Variants in PHKA2 observed in about 807,000 individuals in gnomAD.
PHKA2 encodes phosphorylase b kinase regulatory subunit alpha, liver isoform.
In PHKA2, 31 loss-of-function variants were observed where a neutral mutation model predicts 102.0. The ratio of observed to expected loss-of-function variants is 0.30; its 90% CI spans 0.23 to 0.41. PHKA2 has a LOEUF of 0.41. PHKA2 is among the 10% of genes least tolerant of loss of function. PHKA2 has a pLI of 1.00. For missense variants in PHKA2, 858 were observed against 1,023.1 expected (o/e 0.84, Z 2.20); for synonymous variants, 455 against 416.2 (o/e 1.09, Z -1.13).
chrX:18,938,739 C>G lies in PHKA2; in HGVS notation c.929G>C (p.Arg310Pro). 8.3e-7 allele frequency: 1 copy of G among 1,204,567 alleles called. No homozygotes were observed. Among genetic ancestry groups the G allele is most frequent in the Non-Finnish European group, 1.1e-6 (1 of 888,936 alleles). Reference protein sequence around the residue: ...GYKTPREDPNRLHYDPAELKL... With the variant: ...GYKTPREDPNPLHYDPAELKL... Reference sequence around the variant, plus strand: ...GAGTTCAGCAGGGTCATAATGCAGTCGATTAGGGTCCTAGAATCAAATAAG... The same window carrying G: ...GAGTTCAGCAGGGTCATAATGCAGTGGATTAGGGTCCTAGAATCAAATAAG... Residue 310 changes from arginine (R) to proline (P), a missense_variant, in exon 10 of 33, where the codon CGA becomes CCA. Transcript: ENST00000379942.
intron 26 of PHKA2, among the ~76,000 whole-genome samples, chrX:18,904,250 A>C (rs2047760535): frequency 8.9e-6 from 1 of 112,045 alleles, no homozygotes; most frequent in African/African-American, 3.2e-5. Flanking sequence ...TGGAAGCTAC[A>C]AGAGGGGCTG....
chrX:18,935,609 T>G (rs766632808), intron 11 of PHKA2, among the ~76,000 whole-genome samples: 1 of 94,685 alleles, frequency 1.1e-5, no homozygotes, highest in East Asian at 3.0e-4. Flanking sequence ...TACCTAAGGC[T>G]TTTTTTTTTT....
intron 1 of PHKA2, among the ~76,000 whole-genome samples, chrX:18,964,502 T>C (rs1318086834): frequency 8.9e-6 from 1 of 112,460 alleles, no homozygotes; most frequent in East Asian, 2.8e-4. Flanking sequence ...CCAGGATAAA[T>C]GTTGAAAAGA....
chrX:18,937,597 T>C lies in PHKA2; in HGVS notation c.1041+1030A>G, dbSNP rs188198313. 5.4e-5 allele frequency among the ~76,000 whole-genome samples: 6 copies of C among 111,536 alleles called. No homozygotes were observed. The East Asian group carries it at 1.7e-3, about 31-fold the overall frequency. Reference sequence around the variant, plus strand: ...GAGGGGCAATTGGGGAAGAAAAGAATGTCCTCGGCCTTTGAGAAGAGAGGA... The same window carrying C: ...GAGGGGCAATTGGGGAAGAAAAGAACGTCCTCGGCCTTTGAGAAGAGAGGA... On this transcript the variant is annotated intron_variant, in intron 10 of 32. Coordinates refer to ENST00000379942, the MANE Select transcript of PHKA2 (RefSeq NM_000292.3).
At chrX:18,899,303 G>A (rs2047633388) in intron 28 of PHKA2, 77 bp from the exon 29 acceptor site, 5 of 860,248 alleles carry the variant, frequency 5.8e-6, no homozygotes, top group Non-Finnish European at 8.6e-6. Flanking sequence ...TCATGGAGCA[G>A]CATCCGAAAC....
At chrX:18,924,268 G>C in intron 16 of PHKA2, 113 bp downstream of exon 16, 1 of 970,042 alleles carries the variant, frequency 1.0e-6, no homozygotes, top group Non-Finnish European at 1.5e-6. Flanking sequence ...AAACCAAACT[G>C]CTAAGAAGCC....
chrX:18,953,973 G>A (rs760608506), intron 2 of PHKA2, among the ~76,000 whole-genome samples: 2 of 110,686 alleles, frequency 1.8e-5, no homozygotes, highest in African/African-American at 6.6e-5. Flanking sequence ...GTGACAGAGT[G>A]AGACTCCATC....
At chrX:18,943,913 G>T in intron 6 of PHKA2, 105 bp from the exon 7 acceptor site, 1 of 584,583 alleles carries the variant, frequency 1.7e-6, no homozygotes, top group Non-Finnish European at 3.0e-6. Context: ...TTTCCCAAAG[G>T]TAATGAAACA....
intron 13 of PHKA2, among the ~76,000 whole-genome samples, chrX:18,927,857 A>C (rs2048238691): frequency 9.0e-6 from 1 of 111,303 alleles, no homozygotes; most frequent in African/African-American, 3.3e-5. Context: ...TCAAAACCCC[A>C]GCAGCCACTC....
At position 18,941,101 on chromosome X, in the gene PHKA2, G is replaced by A. The variant is rs143815061; in HGVS notation, c.864+428C>T. Among the ~76,000 whole-genome samples the A allele has an allele frequency of 3.7e-3, 415 of 112,111 alleles. 2 individuals are homozygous for A. The highest frequency in any genetic ancestry group is 5.3e-3 in the Non-Finnish European group (280 of 53,229). On this transcript the variant is annotated intron_variant, in intron 8 of 32. Transcript: ENST00000379942. ...TAATATTCTCAGTTTAGTGTATCAC[G>A]GTTACTGCATTTCACCTCAAAACAG...
intron 26 of PHKA2, among the ~76,000 whole-genome samples, chrX:18,905,159 C>A (rs1601708048): frequency 9.0e-6 from 1 of 111,482 alleles, no homozygotes; most frequent in South Asian, 3.8e-4. Context: ...CCCTGGCATT[C>A]GGGGTCCCCC....
Position 18,945,145 on chromosome X carries a change from C to T in PHKA2, c.551G>A (p.Trp184Ter). 8.4e-7 allele frequency: 1 copy of T among 1,190,014 alleles called. No homozygotes were observed. Among genetic ancestry groups the T allele is most frequent in the South Asian group, 1.8e-5 (1 of 56,483 alleles). ...AAYKVADYGM[W>*]ERGDKTNQGI... ...CTGATTAGTCTTATCTCCACGCTCC[C>T]ACATTCCATAATCCTGGGGGAGAAA... Residue 184 changes from tryptophan to a stop codon, truncating the protein, a stop_gained, in exon 6 of 33, where the codon TGG becomes TAG. Transcript: ENST00000379942. LOFTEE classifies it high-confidence loss of function.
rs1190483883 is a variant in PHKA2 at position 18,959,644 on chromosome X, C to T, written c.79-5232G>A. Among the ~76,000 whole-genome samples, 6 of 111,127 alleles carry T rather than the reference C, an allele frequency of 5.4e-5. No homozygotes were observed. In the Admixed American group the frequency reaches 5.8e-4, roughly 11 times the overall value. The stretch of plus-strand genomic sequence containing the variant: ...TTTACTTTGCTAAACTCTCTGTATA[C>T]TTTGCCTGAAAAAAATCATGACTAA... On this transcript the variant is annotated intron_variant, in intron 1 of 32. Transcript: ENST00000379942.
chrX:18,964,537 A>G (rs547519855), intron 1 of PHKA2, among the ~76,000 whole-genome samples: 1 of 112,531 alleles, frequency 8.9e-6, no homozygotes, highest in African/African-American at 3.2e-5. Context: ...ACCACTCTCC[A>G]TTGGTAAAGC....
At chrX:18,941,977 G>C (rs1328374732) in intron 7 of PHKA2, among the ~76,000 whole-genome samples, 1 of 112,313 alleles carries the variant, frequency 8.9e-6, no homozygotes. Context: ...GACATGTAGG[G>C]GAGGAACTAT....
Position 18,897,295 on chromosome X carries a change from G to T in PHKA2, c.3150C>A (p.Ser1050=). The change falls in exon 30 of 33, where the codon TCC becomes TCA. Residue 1050 remains serine, a synonymous_variant. Transcript: ENST00000379942. ...CGATGTGATGTCCTCCCGAGTCTGA[G>T]GATGACGTGCCAGTGGGCGAGGATG... The part of the protein sequence containing the change: ...STPSSPTGTS[S]SDSGGHHIGW... 8.3e-7 allele frequency: 1 copy of T among 1,210,983 alleles called. No individual in the cohort carries two copies. The highest frequency in any genetic ancestry group is 1.8e-5 in the South Asian group (1 of 56,978).
chrX:18,901,046 A>G (rs2047672324), intron 27 of PHKA2, among the ~76,000 whole-genome samples: 1 of 107,768 alleles, frequency 9.3e-6, no homozygotes, highest in Non-Finnish European at 1.9e-5. Context: ...TTAAAGGTGA[A>G]CTAAGAAAAG....
At chrX:18,909,806 C>T (rs959160396) in intron 20 of PHKA2, among the ~76,000 whole-genome samples, 1 of 112,385 alleles carries the variant, frequency 8.9e-6, no homozygotes, top group Admixed American at 9.5e-5. Flanking sequence ...TGGTGTCAAG[C>T]GGCTTCTAGA....
chrX:18,914,100 CAGG>C (rs978769761), intron 19 of PHKA2, among the ~76,000 whole-genome samples: 1 of 112,494 alleles, frequency 8.9e-6, no homozygotes, highest in Non-Finnish European at 1.9e-5. Flanking sequence ...ACTGGCAGCG[CAGG>C]AGGTTTACTG....
Sources: allele counts gnomAD v4.1 joint callset (sites outside exome capture counted in the v4.1 genomes callset), GRCh38; gene constraint gnomAD v4.1.1; transcripts MANE v1.5; gene names NCBI Gene and HGNC (gene_info 2026-07-23, HGNC 2026-07-21).